PCDHGB2: variants seen among roughly 807,000 people sequenced by gnomAD.
PCDHGB2 encodes the protein protocadherin gamma subfamily B, 2, also known as protocadherin gamma-B2.
A neutral mutation model predicts 59.3 loss-of-function variants in PCDHGB2; 55 were observed. The observed-to-expected ratio is 0.93, with a 90% CI of 0.75 to 1.16. The LOEUF (loss-of-function observed/expected upper bound fraction) is 1.16, where lower values mean the gene tolerates loss of function less well. PCDHGB2 is among the 50% of genes most tolerant of loss of function. PCDHGB2 has a pLI of 0.00. For synonymous variants in PCDHGB2, 516 were observed against 512.0 expected (o/e 1.01, Z -0.11); for missense variants, 1,228 against 1,198.5 (o/e 1.02, Z -0.36).
chr5:141,430,315 T>C (rs185896854), intron 1 of PCDHGB2, among the ~76,000 whole-genome samples: 58 of 151,980 alleles, frequency 3.8e-4, no homozygotes, highest in African/African-American at 1.3e-3. Context: ...CATTATAAGA[T>C]TAAAATCATT....
intron 1 of PCDHGB2, chr5:141,371,837 G>A: frequency 6.2e-7 from 1 of 1,613,710 alleles, no homozygotes; most frequent in South Asian, 1.1e-5. Context: ...ATCCCGACTT[G>A]GGACCTAATG....
chr5:141,433,587 G>A (rs1228017153), intron 1 of PCDHGB2, among the ~76,000 whole-genome samples: 1 of 152,068 alleles, frequency 6.6e-6, no homozygotes, highest in African/African-American at 2.4e-5. Flanking sequence ...TGTAATCCCA[G>A]TACTTTGGGA....
In PCDHGB2 at chr5:141,493,026, C is replaced by T. The variant is rs73280358; in HGVS notation, c.2422-1781C>T. 6.6e-6 allele frequency among the ~76,000 whole-genome samples: 1 copy of T among 152,190 alleles called. No individual in the cohort carries two copies. The highest frequency in any genetic ancestry group is 1.5e-5 in the Non-Finnish European group (1 of 68,034). Reference sequence around the variant, plus strand: ...TAGGCTCTGCCAGATGCCAGGGTGCCCTTATGTGTGAGGAAACTACAATAG... The same window carrying T: ...TAGGCTCTGCCAGATGCCAGGGTGCTCTTATGTGTGAGGAAACTACAATAG... On this transcript the variant is annotated intron_variant, in intron 1 of 3. Coordinates refer to ENST00000522605, the MANE Select transcript of PCDHGB2 (RefSeq NM_018923.3). This position sits in a 1 kb window ranked among gnomAD's most constrained non-coding sequence, Gnocchi z 4.3.
At chr5:141,502,363 T>C (rs1216939790) in intron 2 of PCDHGB2, among the ~76,000 whole-genome samples, 2 of 152,100 alleles carry the variant, frequency 1.3e-5, no homozygotes, top group African/African-American at 4.8e-5. Context: ...ATGGATATTT[T>C]TAAAGAGTCC....
At chr5:141,379,501 T>C (rs969965140) in intron 1 of PCDHGB2, 7 of 152,268 alleles carry the variant, frequency 4.6e-5, no homozygotes, top group Non-Finnish European at 8.8e-5. Context: ...CAATTTGGGA[T>C]GTTAAACTAC....
intron 1 of PCDHGB2, chr5:141,428,370 C>A: frequency 1.8e-6 from 1 of 540,734 alleles, no homozygotes; most frequent in Non-Finnish European, 3.4e-6. Flanking sequence ...TCGCCTTGCA[C>A]CTGCGATGCT....
chr5:141,409,481 A>G (rs1589715212), intron 1 of PCDHGB2: 1 of 1,613,968 alleles, frequency 6.2e-7, no homozygotes, highest in Non-Finnish European at 8.5e-7. Context: ...AGCCACTGAC[A>G]GGGGCAAGCC....
At chr5:141,414,221 C>A in intron 1 of PCDHGB2, 1 of 1,613,126 alleles carries the variant, frequency 6.2e-7, no homozygotes, top group Non-Finnish European at 8.5e-7. Flanking sequence ...GACAACAGTC[C>A]AGAGCTGACC....
At chr5:141,372,621 T>C (rs775165911) in intron 1 of PCDHGB2, 1 of 1,614,026 alleles carries the variant, frequency 6.2e-7, no homozygotes, top group East Asian at 2.2e-5. Context: ...TCTCCCCACC[T>C]ACAGCGAAAG....
At chr5:141,399,719 G>A (rs773556952) in intron 1 of PCDHGB2, 13 of 1,613,168 alleles carry the variant, frequency 8.1e-6, no homozygotes, top group Non-Finnish European at 1.1e-5. Flanking sequence ...CTACAGGCCC[G>A]CGACCAGGGC....
Position 141,491,755 on chromosome 5 carries a change from G to T in PCDHGB2, c.2422-3052G>T, listed in dbSNP as rs1402188587. 3 of 1,582,078 alleles carry T rather than the reference G, an allele frequency of 1.9e-6. No individual in the cohort carries two copies. Among genetic ancestry groups the T allele is most frequent in the Non-Finnish European group, 2.6e-6 (3 of 1,165,458 alleles). On this transcript the variant is annotated intron_variant, in intron 1 of 3. Coordinates refer to ENST00000522605, the MANE Select transcript of PCDHGB2 (RefSeq NM_018923.3). This position sits in a 1 kb window ranked among gnomAD's most constrained non-coding sequence, Gnocchi z 6.9. ...CCCTGGGGGCGGCACTGGAGAAGCC[G>T]CCCGTCCTCATAAGGGATTGAACTT...
intron 1 of PCDHGB2, among the ~76,000 whole-genome samples, chr5:141,405,955 C>T (rs116457023): frequency 0.015 from 2,244 of 152,168 alleles, 22 homozygotes; most frequent in Admixed American, 0.035. Flanking sequence ...TAATAATTAA[C>T]CTGCTGTCAA....
chr5:141,374,333 T>G lies in PCDHGB2; in HGVS notation c.2421+11777T>G, dbSNP rs767860795. 3.7e-6 allele frequency: 6 copies of G among 1,613,886 alleles called. No homozygotes were observed. In the African/African-American group the frequency reaches 5.3e-5, roughly 14 times the overall value. On this transcript the variant is annotated intron_variant, in intron 1 of 3. Coordinates refer to ENST00000522605, the MANE Select transcript of PCDHGB2 (RefSeq NM_018923.3). ...CTCTCTGAATCCGCGAAACGGCAGC[T>G]TGGTCACCGCGGGTAGGATAGACCG...
Position 141,430,867 on chromosome 5 carries a change from G to T in PCDHGB2, c.2422-63940G>T, listed in dbSNP as rs1157718106. ...GCACCCAGATACGCTATTCAGTTCC[G>T]GAAGAGCTGGAGAAAGGCTCTAGGG... On this transcript the variant is annotated intron_variant, in intron 1 of 3. Coordinates refer to ENST00000522605, the MANE Select transcript of PCDHGB2 (RefSeq NM_018923.3). 2.5e-6 allele frequency: 4 copies of T among 1,596,238 alleles called. No individual in the cohort carries two copies. In the East Asian group the frequency reaches 8.9e-5, roughly 36 times the overall value.
Position 141,477,609 on chromosome 5 carries a change from A to T in PCDHGB2, c.2422-17198A>T, listed in dbSNP as rs775454070. The T allele has an allele frequency of 6.2e-7, 1 of 1,614,192 alleles. No homozygotes were observed. The highest frequency in any genetic ancestry group is 1.1e-5 in the South Asian group (1 of 91,082). ...GCTCGGCTTTCTTTCTTTCTCTTGG[A>T]GCAAGGAGCTGAAACCGGGCTAGTG... On this transcript the variant is annotated intron_variant, in intron 1 of 3. Transcript: ENST00000522605. The surrounding 1 kb of genome is among the most constrained non-coding windows in gnomAD (Gnocchi z 4.9).
intron 1 of PCDHGB2, among the ~76,000 whole-genome samples, chr5:141,484,369 G>A (rs1218433750): frequency 6.6e-6 from 1 of 152,164 alleles, no homozygotes; most frequent in Non-Finnish European, 1.5e-5. Flanking sequence ...TGTATCACTA[G>A]CAAATGTCTG....
chr5:141,370,143 C>G (rs931664549), intron 1 of PCDHGB2: 1 of 431,310 alleles, frequency 2.3e-6, no homozygotes, highest in African/African-American at 2.0e-5. Context: ...ATTTAGTCAC[C>G]ATTACTGCAG....
At chr5:141,363,790 T>C (rs1763065871) in intron 1 of PCDHGB2, among the ~76,000 whole-genome samples, 1 of 152,218 alleles carries the variant, frequency 6.6e-6, no homozygotes, top group Non-Finnish European at 1.5e-5. Flanking sequence ...TTTATCCTAA[T>C]AAGGAGATGA....
intron 1 of PCDHGB2, chr5:141,393,906 G>C: frequency 1.2e-6 from 2 of 1,613,998 alleles, no homozygotes; most frequent in Non-Finnish European, 1.7e-6. Context: ...TCCCGGGACA[G>C]TAATTGCCTT....
Sources: gnomAD v4.1 joint callset for allele counts (sites outside exome capture counted in the v4.1 genomes callset) on GRCh38, gnomAD v4.1.1 for gene constraint, Gnocchi (gnomAD v3.1) non-coding constraint, MANE v1.5 for transcripts, NCBI Gene and HGNC (gene_info 2026-07-23, HGNC 2026-07-21) for gene names.